CEP89: variants seen among roughly 807,000 people sequenced by gnomAD.
The protein encoded by CEP89 is centrosomal protein 89.
In CEP89, 95 loss-of-function variants were observed where a neutral mutation model predicts 97.6. The observed-to-expected ratio is 0.97, with a 90% confidence interval of 0.82 to 1.15. The LOEUF (loss-of-function observed/expected upper bound fraction) is 1.15. Ranked by LOEUF, CEP89 falls within the 50% of genes most tolerant of loss-of-function variation. The probability of loss-of-function intolerance (pLI) is 0.00; values close to 1 mark genes in which losing one functional copy is unlikely to be tolerated. For synonymous variants in CEP89, 354 were observed against 349.1 expected (o/e 1.01, Z -0.16); for missense variants, 869 against 947.7 (o/e 0.92, Z 1.09).
chr19:32,913,572 C>T (rs1052584375), intron 14 of CEP89, among the ~76,000 whole-genome samples: 1 of 151,808 alleles, frequency 6.6e-6, no homozygotes, highest in African/African-American at 2.4e-5. Flanking sequence ...ATAAGTCCCA[C>T]ATCCTGGGAA....
At chr19:32,945,284 CA>C (rs10709515) in intron 5 of CEP89, among the ~76,000 whole-genome samples, 45,421 of 96,038 alleles carry the variant, frequency 0.47, 8,070 homozygotes, top group Admixed American at 0.54. Context: ...AACTATGTTT[CA>C]AAAAAAAAAA....
chr19:32,900,404 C>T (rs528622035), intron 15 of CEP89, among the ~76,000 whole-genome samples: 13 of 151,906 alleles, frequency 8.6e-5, no homozygotes, highest in Non-Finnish European at 1.9e-4. Flanking sequence ...CGCCACCACA[C>T]GCAGCTAATT....
intron 16 of CEP89, among the ~76,000 whole-genome samples, chr19:32,891,885 A>ATT: frequency 6.6e-6 from 1 of 150,952 alleles, no homozygotes; most frequent in Non-Finnish European, 1.5e-5. Context: ...GAAAAATTAA[A>ATT]AAAAAAAATG....
At chr19:32,921,792 G>A (rs757910964) in intron 12 of CEP89, among the ~76,000 whole-genome samples, 6 of 152,124 alleles carry the variant, frequency 3.9e-5, no homozygotes, top group Non-Finnish European at 8.8e-5. Context: ...GGAGGTCACA[G>A]AGCACCAAGA....
chr19:32,946,893 G>A lies in CEP89; in HGVS notation c.595+1373C>T, dbSNP rs1970808813. On this transcript the variant is annotated intron_variant, in intron 5 of 18. Coordinates refer to ENST00000305768, the MANE Select transcript of CEP89 (RefSeq NM_032816.5). Reference sequence around the variant, plus strand: ...CCCAGTCTTGGGTATGTCTTTATCAGCAGCGTGAAAACGGACTAATGCACT... The same window carrying A: ...CCCAGTCTTGGGTATGTCTTTATCAACAGCGTGAAAACGGACTAATGCACT... Among the ~76,000 whole-genome samples the A allele has an allele frequency of 2.0e-5, 3 of 152,024 alleles. No homozygotes were observed. In the South Asian group the frequency reaches 6.2e-4, roughly 31 times the overall value.
Position 32,884,586 on chromosome 19 carries a change from T to G in CEP89, c.1966-2573A>C, listed in dbSNP as rs1290237994. Among the ~76,000 whole-genome samples the G allele has an allele frequency of 8.5e-5, 13 of 152,214 alleles. No homozygotes were observed. In the East Asian group the frequency reaches 2.5e-3, roughly 29 times the overall value. On this transcript the variant is annotated intron_variant, in intron 17 of 18. Transcript: ENST00000305768. ...CATTTAAAAAAATTAAAACAATTTTTTTTAGAAACAGGATCCTGCTCCATG... is the reference window on the plus strand; with the variant it reads ...CATTTAAAAAAATTAAAACAATTTTGTTTAGAAACAGGATCCTGCTCCATG...
intron 2 of CEP89, among the ~76,000 whole-genome samples, chr19:32,965,067 A>G (rs1322206912): frequency 3.3e-5 from 5 of 152,050 alleles, no homozygotes; most frequent in Non-Finnish European, 7.4e-5. Flanking sequence ...CATCATGCTC[A>G]GATAATTTAT....
At chr19:32,913,306 TTTTTTTG>T (rs1568556699) in intron 14 of CEP89, among the ~76,000 whole-genome samples, 2 of 3,718 alleles carry the variant, frequency 5.4e-4, no homozygotes, top group Non-Finnish European at 8.6e-4. Context: ...TATATATATA[TTTTTTTG>T]TTGTTGTTGT....
chr19:32,931,252 G>A (rs917817319), intron 9 of CEP89, 177 bp downstream of exon 9: 10 of 572,056 alleles, frequency 1.7e-5, no homozygotes, highest in African/African-American at 3.9e-5. Flanking sequence ...CCTTTATTAC[G>A]GGGAAGAAGG....
At chr19:32,965,395 T>C (rs1382078659) in intron 2 of CEP89, among the ~76,000 whole-genome samples, 2 of 150,664 alleles carry the variant, frequency 1.3e-5, no homozygotes, top group Non-Finnish European at 3.0e-5. Flanking sequence ...AATGAGACCA[T>C]ATCTCGAAAA....
In CEP89 at chr19:32,881,827, C is replaced by T. The variant is rs1414863674; in HGVS notation, c.2135+17G>A. 2 of 1,589,902 alleles carry T rather than the reference C, an allele frequency of 1.3e-6. No homozygotes were observed. The highest frequency in any genetic ancestry group is 8.5e-7 in the Non-Finnish European group (1 of 1,173,218). On this transcript the variant is annotated intron_variant, in intron 18 of 18. Coordinates refer to ENST00000305768, the MANE Select transcript of CEP89 (RefSeq NM_032816.5). ...TCAGACATCTCTGCGGGCCATGGCG[C>T]AGGGCGCATGCCCCACCTGTTCTGC...
At chr19:32,947,557 C>A (rs961699410) in intron 5 of CEP89, among the ~76,000 whole-genome samples, 2 of 152,134 alleles carry the variant, frequency 1.3e-5, no homozygotes, top group Non-Finnish European at 1.5e-5. Context: ...ATGGTGCGAT[C>A]TCAGCTCACT....
chr19:32,967,217 A>G (rs1310643715), intron 1 of CEP89, among the ~76,000 whole-genome samples: 2 of 152,176 alleles, frequency 1.3e-5, no homozygotes, highest in Non-Finnish European at 2.9e-5. Flanking sequence ...TAGGTGGCTT[A>G]TCTCCAAGAC....
chr19:32,891,957 A>G (rs770135078), intron 16 of CEP89, among the ~76,000 whole-genome samples: 6 of 151,540 alleles, frequency 4.0e-5, no homozygotes, highest in Non-Finnish European at 5.9e-5. Flanking sequence ...AAACCTACTC[A>G]ACAAAATAAG....
chr19:32,928,759 G>A (rs1970412534), intron 9 of CEP89, among the ~76,000 whole-genome samples: 1 of 152,064 alleles, frequency 6.6e-6, no homozygotes, highest in Non-Finnish European at 1.5e-5. Context: ...ATTCTTTCTG[G>A]TATTCTTGCC....
At chr19:32,966,727 A>G (rs542680695) in intron 1 of CEP89, among the ~76,000 whole-genome samples, 23 of 152,248 alleles carry the variant, frequency 1.5e-4, no homozygotes, top group African/African-American at 5.3e-4. Context: ...GCTGTCCCCA[A>G]GAGTCACCCT....
At chr19:32,950,432 C>A (rs951018637) in intron 4 of CEP89, among the ~76,000 whole-genome samples, 1 of 152,116 alleles carries the variant, frequency 6.6e-6, no homozygotes, top group African/African-American at 2.4e-5. Context: ...GTGGCACATG[C>A]CTGTAATCCC....
chr19:32,945,136 T>C (rs1970768921), intron 5 of CEP89, among the ~76,000 whole-genome samples: 1 of 151,818 alleles, frequency 6.6e-6, no homozygotes, highest in African/African-American at 2.4e-5. Context: ...AATACAAAAT[T>C]AGCCAGGTGT....
rs149603102 is a variant in CEP89, at chr19:32,901,337, C to T, written c.1641G>A (p.Ala547=). ...TCTCTAACAGCAGGCTCTTCTTCTG[C>T]GCTTGCAGGACTGTCAGCTTCTCCA... ...ELMEKLTVLQ[A]QKKSLLLEKN... The change falls in exon 15 of 19, where the codon GCG becomes GCA. Residue 547 remains alanine, a synonymous_variant. Transcript: ENST00000305768. The T allele has an allele frequency of 6.4e-5, 104 of 1,614,122 alleles. 1 individual carries two copies. The African/African-American group carries it at 7.6e-4, about 12-fold the overall frequency.
Sources: gnomAD v4.1 joint callset for allele counts (sites outside exome capture counted in the v4.1 genomes callset) on GRCh38, gnomAD v4.1.1 for gene constraint, MANE v1.5 for transcripts, NCBI Gene and HGNC (gene_info 2026-07-23, HGNC 2026-07-21) for gene names.